Variants in STYX observed in about 807,000 individuals in gnomAD.
The protein encoded by STYX is serine/threonine/tyrosine-interacting protein.
STYX carries 20 observed loss-of-function variants against 42.7 expected under a neutral mutation model. The observed-to-expected ratio is 0.47, with a 90% CI of 0.33 to 0.68. The LOEUF (loss-of-function observed/expected upper bound fraction) is 0.68, where lower values mean the gene tolerates loss of function less well. Ranked by LOEUF, STYX falls within the 30% of genes least tolerant of loss-of-function variation. The pLI is 0.02. For synonymous variants in STYX, 78 were observed against 81.9 expected (o/e 0.95, Z 0.26); for missense variants, 226 against 268.5 (o/e 0.84, Z 1.11).
In STYX at chr14:52,754,869, C is replaced by T. The variant is rs921077087; in HGVS notation, c.243-1682C>T. The stretch of plus-strand genomic sequence containing the variant: ...TATCCTAATGGAAGAACCATTTCTC[C>T]TTAAACTTTTACAATACTAGCTTCT... On this transcript the variant is annotated intron_variant, in intron 4 of 10. Coordinates refer to ENST00000354586, the MANE Select transcript of STYX (RefSeq NM_145251.4). Among the ~76,000 whole-genome samples, 5 of 152,150 alleles carry T rather than the reference C, an allele frequency of 3.3e-5. No homozygotes were observed. In the South Asian group the frequency reaches 1.0e-3, roughly 31 times the overall value.
At position 52,774,767 on chromosome 14, in the gene STYX, C is replaced by A. The variant is rs1440147473; in HGVS notation, c.*3661C>A. 6.6e-6 allele frequency: 1 copy of A among 151,938 alleles called. No individual in the cohort carries two copies. The highest frequency in any genetic ancestry group is 1.5e-5 in the Non-Finnish European group (1 of 67,952). 9.4% of individuals were successfully genotyped at this position (151,938 alleles called of 1,614,324 possible). ...CATGTAATTGCAATTTACTATGCAG[C>A]AAAAATGATTCAAGAAGAAAAATAA... is the stretch of plus-strand genomic sequence containing the variant. On this transcript the variant is annotated 3_prime_UTR_variant, in exon 11 of 11. Transcript: ENST00000354586.
At chr14:52,759,513 T>C (rs1882010005) in intron 8 of STYX, among the ~76,000 whole-genome samples, 169 bp from the exon 9 acceptor site, 2 of 152,182 alleles carry the variant, frequency 1.3e-5, no homozygotes, top group South Asian at 4.1e-4. Context: ...CTTAGAGAAG[T>C]TGAGCAAGCT....
At chr14:52,761,518 C>T (rs1471315150) in intron 9 of STYX, among the ~76,000 whole-genome samples, 1 of 151,242 alleles carries the variant, frequency 6.6e-6, no homozygotes, top group Non-Finnish European at 1.5e-5. Flanking sequence ...GTGCCTATTC[C>T]TCCGAGTGCC....
intron 1 of STYX, among the ~76,000 whole-genome samples, chr14:52,731,968 G>T: frequency 7.0e-6 from 1 of 143,586 alleles, no homozygotes; most frequent in Non-Finnish European, 1.5e-5. Context: ...TTTTTTTGTA[G>T]CGATGGGTTT....
In STYX at chr14:52,758,113, C is replaced by G. The variant is rs114682539; in HGVS notation, c.431+189C>G. 1.5e-3 allele frequency among the ~76,000 whole-genome samples: 221 copies of G among 152,206 alleles called. 1 individual carries two copies. The highest frequency in any genetic ancestry group is 5.2e-3 in the African/African-American group (216 of 41,538). Reference sequence around the variant, plus strand: ...ATCTACTTGTATAGATATGCATAGGCTAATATGGAAATCCTATGGAAAACT... The same window carrying G: ...ATCTACTTGTATAGATATGCATAGGGTAATATGGAAATCCTATGGAAAACT... On this transcript the variant is annotated intron_variant, in intron 8 of 10. Transcript: ENST00000354586.
At chr14:52,733,460 C>T (rs1880815290) in intron 1 of STYX, among the ~76,000 whole-genome samples, 1 of 152,046 alleles carries the variant, frequency 6.6e-6, no homozygotes, top group Non-Finnish European at 1.5e-5. Context: ...TAGTCAGATC[C>T]CACAGGTTAA....
chr14:52,756,649 A>C, intron 5 of STYX, 38 bp downstream of exon 5: 1 of 338,142 alleles, frequency 3.0e-6, no homozygotes, highest in Non-Finnish European at 5.0e-6. Flanking sequence ...TTTAAAATTT[A>C]TTTATGATTT....
chr14:52,757,692 GC>G, intron 6 of STYX, 50 bp from the exon 7 acceptor site: 1 of 1,554,934 alleles, frequency 6.4e-7, no homozygotes, highest in South Asian at 1.1e-5. Context: ...ATGTAGTTCA[GC>G]TACTGACTCA....
intron 1 of STYX, among the ~76,000 whole-genome samples, chr14:52,736,559 C>T (rs896342279): frequency 2.6e-5 from 4 of 152,114 alleles, no homozygotes; most frequent in African/African-American, 9.7e-5. Flanking sequence ...AGCAACTTTC[C>T]ATGTTTCCCT....
intron 2 of STYX, among the ~76,000 whole-genome samples, chr14:52,746,109 T>C (rs1881385398): frequency 1.3e-5 from 2 of 152,118 alleles, no homozygotes; most frequent in South Asian, 4.1e-4. Flanking sequence ...TATGTTACAG[T>C]AATAATTTGC....
At position 52,773,324 on chromosome 14, in the gene STYX, T is replaced by G. The variant is rs973884855; in HGVS notation, c.*2218T>G. ...CTTGAGTACTCTGTGTGTATATATA[T>G]ATATATAGATAGATAGATTTTTTTT... On this transcript the variant is annotated 3_prime_UTR_variant, in exon 11 of 11. Coordinates refer to ENST00000354586, the MANE Select transcript of STYX (RefSeq NM_145251.4). The G allele has an allele frequency of 5.8e-5, 7 of 121,108 alleles. No homozygotes were observed. Among genetic ancestry groups the G allele is most frequent in the Admixed American group, 5.1e-4 (5 of 9,888 alleles). The allele number at this position is 121,108 out of a possible 1,614,324, so 7.5% of individuals were successfully genotyped here.
At chr14:52,738,862 T>A (rs1338046373) in intron 1 of STYX, among the ~76,000 whole-genome samples, 3 of 152,148 alleles carry the variant, frequency 2.0e-5, no homozygotes, top group Non-Finnish European at 4.4e-5. Flanking sequence ...CAAAGTATCA[T>A]CTATTATTAT....
intron 8 of STYX, among the ~76,000 whole-genome samples, chr14:52,759,103 A>G (rs1286463686): frequency 2.0e-5 from 3 of 152,124 alleles, no homozygotes; most frequent in African/African-American, 2.4e-5. Context: ...AACTTGTACT[A>G]TATGCACAAA....
intron 4 of STYX, among the ~76,000 whole-genome samples, chr14:52,756,113 G>C (rs749840575): frequency 6.6e-6 from 1 of 152,052 alleles, no homozygotes; most frequent in Non-Finnish European, 1.5e-5. Flanking sequence ...TTGACTTCCA[G>C]GCTCACACAG....
intron 2 of STYX, among the ~76,000 whole-genome samples, chr14:52,745,597 C>T (rs1328486820): frequency 6.6e-6 from 1 of 152,194 alleles, no homozygotes; most frequent in Non-Finnish European, 1.5e-5. Context: ...TCAACTTCCA[C>T]AATTAAGTCT....
intron 1 of STYX, among the ~76,000 whole-genome samples, chr14:52,744,433 G>C (rs915670672): frequency 6.6e-6 from 1 of 152,144 alleles, no homozygotes; most frequent in Non-Finnish European, 1.5e-5. Flanking sequence ...ATTATTTGTT[G>C]ATCAGACACT....
At chr14:52,734,932 C>A (rs1880886972) in intron 1 of STYX, among the ~76,000 whole-genome samples, 1 of 152,006 alleles carries the variant, frequency 6.6e-6, no homozygotes, top group Non-Finnish European at 1.5e-5. Flanking sequence ...TGGCGGGCGC[C>A]TGTAGTCCCA....
chr14:52,765,585 G>T (rs2139934148), intron 9 of STYX, among the ~76,000 whole-genome samples: 1 of 152,272 alleles, frequency 6.6e-6, no homozygotes, highest in Non-Finnish European at 1.5e-5. Flanking sequence ...GAATTGATTT[G>T]TATCAGGAGA....
At chr14:52,752,334 A>C (rs1881651140) in intron 4 of STYX, among the ~76,000 whole-genome samples, 1 of 151,916 alleles carries the variant, frequency 6.6e-6, no homozygotes, top group Admixed American at 6.6e-5. Flanking sequence ...GCGTGGTGGC[A>C]CATGCCTGTA....
Sources: gnomAD v4.1 joint callset for allele counts (sites outside exome capture counted in the v4.1 genomes callset) on GRCh38, gnomAD v4.1.1 for gene constraint, MANE v1.5 for transcripts, NCBI Gene and HGNC (gene_info 2026-07-23, HGNC 2026-07-21) for gene names.